FAM184B: variants seen among roughly 807,000 people sequenced by gnomAD.
The protein encoded by FAM184B is protein FAM184B.
In FAM184B, 111 loss-of-function variants were observed where a neutral mutation model predicts 135.9. That is an observed-to-expected ratio of 0.82 (90% confidence interval 0.70 to 0.96). FAM184B has a LOEUF of 0.96. FAM184B is among the 40% of genes least tolerant of loss of function. The probability of loss-of-function intolerance (pLI) is 0.00; values close to 1 mark genes in which losing one functional copy is unlikely to be tolerated. For synonymous variants in FAM184B, 552 were observed against 524.8 expected (o/e 1.05, Z -0.71); for missense variants, 1,375 against 1,323.9 (o/e 1.04, Z -0.60).
rs56926847 is a variant in FAM184B, at chr4:17,638,134, CTTTTTTTTTTTTTTTTT to C, written c.2666+1099_2666+1115del. ...CGCCTGGTATGATGTTAACTGTTTG[CTTTTTTTTTTTTTTTTT>C]TTTTTTTTTTTTGAGACAGGGTCTA... On this transcript the variant is annotated intron_variant, in intron 14 of 17. Coordinates refer to ENST00000265018, the MANE Select transcript of FAM184B (RefSeq NM_015688.2). Among the ~76,000 whole-genome samples, 9 of 73,418 alleles carry C rather than the reference CTTTTTTTTTTTTTTTTT, an allele frequency of 1.2e-4. No homozygotes were observed. In the East Asian group the frequency reaches 1.7e-3, roughly 14 times the overall value. The allele number at this position is 73,418 out of a possible 152,430, so 48.2% of individuals were successfully genotyped here. A position where few individuals can be genotyped will look rare whatever the true frequency, so the allele number is the denominator to read the frequency against.
At position 17,658,454 on chromosome 4, in the gene FAM184B, G is replaced by A; in HGVS notation, c.1933C>T (p.Leu645Phe). 1 of 1,551,604 alleles carries A rather than the reference G, an allele frequency of 6.4e-7. No homozygotes were observed. Among genetic ancestry groups the A allele is most frequent in the Non-Finnish European group, 8.7e-7 (1 of 1,146,976 alleles). ...TGGTTCTGCTGAGTGGTCTCCTGGA[G>A]CTCACGCTGCAGCTTCTCCCTCTCC... is the stretch of plus-strand genomic sequence containing the variant. ...DLEREKLQRELQETTQQNHAM... is the reference protein window; with the variant it reads ...DLEREKLQREFQETTQQNHAM... Residue 645 changes from leucine (L) to phenylalanine (F), a missense_variant, in exon 10 of 18, where the codon CTC becomes TTC. By Grantham distance (22) the Leu-to-Phe change is conservative (BLOSUM62 0). Transcript: ENST00000265018.
intron 1 of FAM184B, among the ~76,000 whole-genome samples, chr4:17,737,546 T>C (rs2108981436): frequency 6.6e-6 from 1 of 152,220 alleles, no homozygotes; most frequent in Middle Eastern, 3.4e-3. Flanking sequence ...AAGATAAACA[T>C]ATTCATAGAA....
intron 4 of FAM184B, 24 bp downstream of exon 4, chr4:17,705,727 TC>T: frequency 6.4e-7 from 1 of 1,550,934 alleles, no homozygotes; most frequent in Non-Finnish European, 8.7e-7. Flanking sequence ...GCCTTCTCCA[TC>T]CCCAGGGCTG....
chr4:17,722,294 A>T (rs1717548372), intron 1 of FAM184B, among the ~76,000 whole-genome samples: 1 of 152,194 alleles, frequency 6.6e-6, no homozygotes, highest in Non-Finnish European at 1.5e-5. Flanking sequence ...AAGAGGACTA[A>T]CTAAACCGCC....
intron 1 of FAM184B, among the ~76,000 whole-genome samples, chr4:17,753,384 A>T (rs901043385): frequency 1.4e-4 from 21 of 152,200 alleles, no homozygotes; most frequent in Non-Finnish European, 2.9e-5. Context: ...GGCTTTAGAA[A>T]CTTCTCTGTA....
chr4:17,634,863 G>A (rs995220722), intron 16 of FAM184B, 146 bp downstream of exon 16: 5 of 558,208 alleles, frequency 9.0e-6, no homozygotes, highest in Middle Eastern at 4.6e-4. Context: ...AATCCGCCCA[G>A]CCATAGATAT....
intron 12 of FAM184B, among the ~76,000 whole-genome samples, chr4:17,644,498 CA>C (rs1431911718): frequency 3.4e-4 from 52 of 152,274 alleles, no homozygotes; most frequent in Admixed American, 6.5e-4. Context: ...ATGATTATCT[CA>C]ATAGATGCAG....
chr4:17,661,873 C>G (rs1382591792), intron 8 of FAM184B, among the ~76,000 whole-genome samples: 1 of 152,170 alleles, frequency 6.6e-6, no homozygotes, highest in East Asian at 1.9e-4. Context: ...TATTATTATT[C>G]TTTTTAATGT....
intron 15 of FAM184B, among the ~76,000 whole-genome samples, chr4:17,635,501 G>A (rs1286362032): frequency 6.6e-6 from 1 of 152,096 alleles, no homozygotes; most frequent in African/African-American, 2.4e-5. Context: ...CAAACATAGG[G>A]AGAGTAATGA....
intron 7 of FAM184B, among the ~76,000 whole-genome samples, chr4:17,667,418 G>A (rs182725444): frequency 3.3e-5 from 5 of 152,298 alleles, no homozygotes; most frequent in African/African-American, 1.2e-4. Flanking sequence ...GTGCCTTTAT[G>A]ATTCATAAGT....
At chr4:17,764,607 G>C (rs546801461) in intron 1 of FAM184B, among the ~76,000 whole-genome samples, 23 of 152,312 alleles carry the variant, frequency 1.5e-4, no homozygotes, top group Middle Eastern at 3.4e-3. Flanking sequence ...GTCCTCAAAA[G>C]TTTAACAGCG....
intron 1 of FAM184B, among the ~76,000 whole-genome samples, chr4:17,765,142 T>C (rs953229259): frequency 6.6e-6 from 1 of 152,182 alleles, no homozygotes; most frequent in East Asian, 1.9e-4. Context: ...AGTATTTGGA[T>C]GGTGGGAGGA....
At chr4:17,756,899 G>T (rs968751629) in intron 1 of FAM184B, among the ~76,000 whole-genome samples, 3 of 152,098 alleles carry the variant, frequency 2.0e-5, no homozygotes, top group African/African-American at 7.2e-5. Context: ...ACTCAGCCTG[G>T]GTGATAGAGC....
intron 1 of FAM184B, among the ~76,000 whole-genome samples, chr4:17,723,155 A>G (rs1717568506): frequency 6.6e-6 from 1 of 152,242 alleles, no homozygotes; most frequent in South Asian, 2.1e-4. Flanking sequence ...CCAGTTCACC[A>G]AGCAACTTTA....
At chr4:17,681,689 G>C (rs1484092713) in intron 7 of FAM184B, among the ~76,000 whole-genome samples, 2 of 152,188 alleles carry the variant, frequency 1.3e-5, no homozygotes, top group East Asian at 3.9e-4. Context: ...CCTCCAAGGA[G>C]TAGGGGACAC....
chr4:17,738,493 T>C (rs947296159), intron 1 of FAM184B, among the ~76,000 whole-genome samples: 44 of 152,034 alleles, frequency 2.9e-4, no homozygotes, highest in African/African-American at 9.2e-4. Flanking sequence ...TAGCATCTCA[T>C]TGAAGGATGA....
intron 1 of FAM184B, among the ~76,000 whole-genome samples, chr4:17,769,015 C>A (rs111957178): frequency 0.027 from 4,099 of 152,076 alleles, 175 homozygotes; most frequent in African/African-American, 0.092. Context: ...GTTGGTCAGG[C>A]TGGTCTTGAA....
intron 7 of FAM184B, among the ~76,000 whole-genome samples, chr4:17,668,923 C>G (rs1457817817): frequency 6.6e-6 from 1 of 152,206 alleles, no homozygotes; most frequent in Non-Finnish European, 1.5e-5. Flanking sequence ...AACAAAACAA[C>G]AAAAGTTTTT....
At chr4:17,746,146 A>G (rs1009635231) in intron 1 of FAM184B, among the ~76,000 whole-genome samples, 2 of 151,760 alleles carry the variant, frequency 1.3e-5, no homozygotes, top group African/African-American at 4.8e-5. Flanking sequence ...TTTAGTAGAG[A>G]TAGGGTTTCA....
Sources: gnomAD v4.1 joint callset for allele counts (sites outside exome capture counted in the v4.1 genomes callset) on GRCh38, gnomAD v4.1.1 for gene constraint, MANE v1.5 for transcripts, NCBI Gene and HGNC (gene_info 2026-07-23, HGNC 2026-07-21) for gene names.